The following HDAC9 variants were observed in gnomAD, a reference collection of about 807,000 sequenced individuals.
The protein encoded by HDAC9 is MEF-2 interacting transcription repressor (MITR) protein.
Under a neutral mutation model 139.4 loss-of-function variants are expected in HDAC9, and 41 were observed. The observed-to-expected ratio is 0.29, with a 90% CI of 0.23 to 0.38. The LOEUF (loss-of-function observed/expected upper bound fraction) is 0.38. HDAC9 is among the 10% of genes least tolerant of loss of function. The pLI is 1.00. For synonymous variants in HDAC9, 517 were observed against 476.2 expected, an observed-to-expected ratio of 1.09 and a Z score of -1.12; for missense variants, 1,147 against 1,297.0, an observed-to-expected ratio of 0.88 and a Z score of 1.78.
At chr7:18,803,321 T>C (rs1488948287) in intron 17 of HDAC9, among the ~76,000 whole-genome samples, 2 of 152,136 alleles carry the variant, frequency 1.3e-5, no homozygotes, top group East Asian at 3.8e-4. Context: ...TATAAAAGAC[T>C]AGTAGCACTG....
intron 2 of HDAC9, among the ~76,000 whole-genome samples, chr7:18,532,938 G>T (rs142117566): frequency 1.0e-3 from 154 of 151,978 alleles, no homozygotes; most frequent in East Asian, 9.7e-4. Context: ...AGGTTCCCCT[G>T]TACCCATATG....
At chr7:18,971,795 T>C (rs1585441050) in intron 24 of HDAC9, among the ~76,000 whole-genome samples, 1 of 152,254 alleles carries the variant, frequency 6.6e-6, no homozygotes, top group Non-Finnish European at 1.5e-5. Context: ...TTCTAATATT[T>C]AATCTTAACT....
chr7:18,771,612 A>T (rs1371890805), intron 16 of HDAC9, among the ~76,000 whole-genome samples: 1 of 151,974 alleles, frequency 6.6e-6, no homozygotes, highest in Non-Finnish European at 1.5e-5. Context: ...ATCAGGAGAA[A>T]AATCTATTTT....
At chr7:18,635,322 C>T (rs1342728730) in intron 8 of HDAC9, among the ~76,000 whole-genome samples, 1 of 151,934 alleles carries the variant, frequency 6.6e-6, no homozygotes, top group Non-Finnish European at 1.5e-5. Flanking sequence ...TGAAGCTTCA[C>T]TGAGCAAACA....
At chr7:18,747,030 A>G (rs1278014589) in intron 13 of HDAC9, among the ~76,000 whole-genome samples, 60 of 152,198 alleles carry the variant, frequency 3.9e-4, no homozygotes, top group Non-Finnish European at 5.9e-5. Context: ...ATGGAGGTCA[A>G]GAAGGAAGAA....
chr7:18,290,585 G>A (rs1797740643), intron 1 of HDAC9: 2 of 455,486 alleles, frequency 4.4e-6, no homozygotes, highest in Non-Finnish European at 8.8e-6. Context: ...TTTTAAGTCT[G>A]ACTCTGCAAA....
At chr7:18,649,623 C>CAAACA (rs1301663170) in intron 11 of HDAC9, among the ~76,000 whole-genome samples, 2 of 151,536 alleles carry the variant, frequency 1.3e-5, no homozygotes, top group South Asian at 2.1e-4. Context: ...ATGTAAGAAA[C>CAAACA]AAACAAAACA....
chr7:18,443,238 A>G (rs1388159850), intron 1 of HDAC9, among the ~76,000 whole-genome samples: 1 of 152,160 alleles, frequency 6.6e-6, no homozygotes, highest in Admixed American at 6.5e-5. Context: ...AAATTTCCAC[A>G]GGGATTAGAT....
At position 18,172,848 on chromosome 7, in the gene HDAC9, G is replaced by A. The variant is rs953589551; in HGVS notation, c.25+10499G>A. Among the ~76,000 whole-genome samples the A allele has an allele frequency of 5.3e-5, 8 of 152,170 alleles. No homozygotes were observed. In the South Asian group the frequency reaches 1.7e-3, roughly 32 times the overall value. ...TTATAATTTCTCTTCTTTTACATTT[G>A]CTGAGGAGTGCTTTACTTCCAACTG... is the stretch of plus-strand genomic sequence containing the variant. On this transcript the variant is annotated intron_variant, in intron 2 of 12. Transcript: ENST00000417496.
intron 14 of HDAC9, among the ~76,000 whole-genome samples, chr7:18,750,683 C>A (rs920076480): frequency 2.0e-5 from 3 of 152,158 alleles, no homozygotes; most frequent in African/African-American, 4.8e-5. Flanking sequence ...TCTGATACTG[C>A]AGTTTGGAGG....
intron 1 of HDAC9, among the ~76,000 whole-genome samples, chr7:18,151,047 A>G (rs971735053): frequency 1.3e-5 from 2 of 152,194 alleles, no homozygotes; most frequent in Non-Finnish European, 2.9e-5. Context: ...GTCTATTTTA[A>G]TACATGCATA....
intron 1 of HDAC9, among the ~76,000 whole-genome samples, chr7:18,124,135 G>C (rs1200847635): frequency 1.3e-5 from 2 of 152,160 alleles, no homozygotes; most frequent in Non-Finnish European, 2.9e-5. Flanking sequence ...CTAAGTTCTA[G>C]TTGAAGTATA....
intron 6 of HDAC9, among the ~76,000 whole-genome samples, chr7:18,595,680 T>C (rs1832286210): frequency 1.3e-5 from 2 of 152,048 alleles, no homozygotes; most frequent in African/African-American, 4.8e-5. Flanking sequence ...GAAAGACTTC[T>C]ATCCTGCTGA....
At chr7:18,121,392 T>C (rs2128093471) in intron 1 of HDAC9, among the ~76,000 whole-genome samples, 1 of 152,274 alleles carries the variant, frequency 6.6e-6, no homozygotes, top group Non-Finnish European at 1.5e-5. Flanking sequence ...GCAGCAGCTT[T>C]AGCTGCTTTG....
At chr7:18,862,131 A>G (rs576822468) in intron 21 of HDAC9, among the ~76,000 whole-genome samples, 39 of 152,326 alleles carry the variant, frequency 2.6e-4, no homozygotes, top group Middle Eastern at 6.8e-3. Flanking sequence ...TCTAGGGTCT[A>G]GCGTCATCAA....
chr7:18,195,903 C>T (rs1173213298), intron 2 of HDAC9, among the ~76,000 whole-genome samples: 2 of 152,066 alleles, frequency 1.3e-5, no homozygotes, highest in African/African-American at 2.4e-5. Flanking sequence ...ATTGGTTATT[C>T]TCAATACTTG....
intron 2 of HDAC9, among the ~76,000 whole-genome samples, chr7:18,202,312 T>TGTG (rs1791192499): frequency 6.6e-6 from 1 of 152,216 alleles, no homozygotes; most frequent in Non-Finnish European, 1.5e-5. Context: ...TTTTTAAATC[T>TGTG]TCTACATTAG....
chr7:18,765,629 A>G (rs1193638378), intron 15 of HDAC9, among the ~76,000 whole-genome samples: 1 of 152,184 alleles, frequency 6.6e-6, no homozygotes. Flanking sequence ...TTACTATGTT[A>G]TCATATTATC....
intron 1 of HDAC9, among the ~76,000 whole-genome samples, chr7:18,340,253 T>G (rs1781901435): frequency 6.6e-6 from 1 of 151,662 alleles, no homozygotes; most frequent in South Asian, 2.1e-4. Context: ...TTTAACCTAT[T>G]TGAGTCATAT....
Sources: allele counts gnomAD v4.1 joint callset (sites outside exome capture counted in the v4.1 genomes callset), GRCh38; gene constraint gnomAD v4.1.1; transcripts MANE v1.5; gene names NCBI Gene and HGNC (gene_info 2026-07-23, HGNC 2026-07-21).